The following JMJD1C variants were observed in gnomAD, a reference collection of about 807,000 sequenced individuals.
JMJD1C encodes jumonji domain containing 1C, also known as jumonji domain-containing protein 1C.
A neutral mutation model predicts 245.3 loss-of-function variants in JMJD1C; 31 were observed. The observed-to-expected ratio is 0.13, with a 90% CI of 0.09 to 0.17. The LOEUF (loss-of-function observed/expected upper bound fraction) is 0.17, where lower values mean the gene tolerates loss of function less well. JMJD1C is among the 10% of genes least tolerant of loss of function. The pLI, the probability that JMJD1C is intolerant of heterozygous loss-of-function variation, is 1.00. For missense variants in JMJD1C, 2,691 were observed against 3,000.2 expected (o/e 0.90, Z 2.41); for synonymous variants, 1,057 against 1,017.4 (o/e 1.04, Z -0.74).
At chr10:63,280,566 T>G (rs1323545341) in intron 2 of JMJD1C, among the ~76,000 whole-genome samples, 1 of 152,004 alleles carries the variant, frequency 6.6e-6, no homozygotes, top group Admixed American at 6.6e-5. Context: ...AAAAAGATTC[T>G]GAATGAAAAT....
chr10:63,310,700 T>C (rs759188919), intron 2 of JMJD1C, among the ~76,000 whole-genome samples: 1 of 152,182 alleles, frequency 6.6e-6, no homozygotes, highest in Non-Finnish European at 1.5e-5. Flanking sequence ...AAATGATATA[T>C]GTGATATAGA....
intron 3 of JMJD1C, among the ~76,000 whole-genome samples, chr10:63,233,181 T>C (rs957266052): frequency 5.3e-4 from 80 of 152,306 alleles, no homozygotes; most frequent in African/African-American, 1.9e-3. Context: ...GCTGAAAAGG[T>C]TGCCACAATT....
chr10:63,420,534 G>A (rs1181286873), intron 1 of JMJD1C, among the ~76,000 whole-genome samples: 8 of 150,778 alleles, frequency 5.3e-5, no homozygotes, highest in Admixed American at 4.6e-4. Flanking sequence ...GCAAAACCCC[G>A]TCTTCACATA....
At chr10:63,276,293 C>T (rs1277182673) in intron 2 of JMJD1C, among the ~76,000 whole-genome samples, 1 of 151,960 alleles carries the variant, frequency 6.6e-6, no homozygotes, top group African/African-American at 2.4e-5. Flanking sequence ...GGTGAAACCC[C>T]GTCTCTACTA....
chr10:63,198,419 TAGATA>T (rs1845683308), intron 12 of JMJD1C, 89 bp downstream of exon 12: 2 of 751,736 alleles, frequency 2.7e-6, no homozygotes, highest in Non-Finnish European at 4.4e-6. Context: ...AAATCAAGGT[TAGATA>T]AGATTAGGGA....
At chr10:63,385,942 T>C (rs554266351) in intron 1 of JMJD1C, among the ~76,000 whole-genome samples, 5 of 152,222 alleles carry the variant, frequency 3.3e-5, no homozygotes, top group African/African-American at 1.2e-4. Context: ...TCAGAGCATA[T>C]ACGGTGAAAA....
At chr10:63,452,090 T>C (rs34037284) in intron 1 of JMJD1C, among the ~76,000 whole-genome samples, 30,674 of 152,110 alleles carry the variant, frequency 0.2, 4,054 homozygotes, top group Non-Finnish European at 0.29. Flanking sequence ...GATGGATACA[T>C]TGAACTACAT....
intron 10 of JMJD1C, chr10:63,202,208 C>T (rs759914268): frequency 4.2e-6 from 3 of 718,026 alleles, no homozygotes; most frequent in Admixed American, 1.3e-4. Flanking sequence ...GGGGTGAGAT[C>T]GTGCCACTGG....
At chr10:63,265,588 G>A (rs1855467012) in intron 2 of JMJD1C, among the ~76,000 whole-genome samples, 2 of 152,042 alleles carry the variant, frequency 1.3e-5, no homozygotes, top group African/African-American at 4.8e-5. Flanking sequence ...AGTAGATGAA[G>A]ATTAAATAAA....
intron 1 of JMJD1C, among the ~76,000 whole-genome samples, chr10:63,443,491 T>C (rs1467392599): frequency 6.6e-6 from 1 of 152,060 alleles, no homozygotes; most frequent in Admixed American, 6.6e-5. Context: ...TTGTAATGGT[T>C]GTAGAAACAG....
At chr10:63,202,433 TA>T in intron 10 of JMJD1C, 1 of 985,468 alleles carries the variant, frequency 1.0e-6, no homozygotes. Flanking sequence ...TTGTGTTTTC[TA>T]ATCATGCCCA....
intron 3 of JMJD1C, among the ~76,000 whole-genome samples, chr10:63,260,608 G>T (rs1307567421): frequency 1.3e-5 from 2 of 150,386 alleles, no homozygotes; most frequent in Admixed American, 6.6e-5. Context: ...ATTTTTTTTT[G>T]AGATGTAGTC....
At chr10:63,495,754 C>CG (rs538711822) in intron 1 of JMJD1C, among the ~76,000 whole-genome samples, 1 of 135,746 alleles carries the variant, frequency 7.4e-6, no homozygotes, top group African/African-American at 2.9e-5. Context: ...ACTCCTAACT[C>CG]AAAAAAAAAA....
At chr10:63,288,215 T>G (rs968301205) in intron 2 of JMJD1C, among the ~76,000 whole-genome samples, 2 of 152,218 alleles carry the variant, frequency 1.3e-5, no homozygotes, top group Admixed American at 6.5e-5. Context: ...AAACCTGTAT[T>G]GTTCAAGAGT....
intron 19 of JMJD1C, 152 bp downstream of exon 19, chr10:63,186,063 G>A (rs927800267): frequency 1.6e-6 from 1 of 640,112 alleles, no homozygotes; most frequent in Non-Finnish European, 2.7e-6. Flanking sequence ...ATAGGGATTA[G>A]GACCCAGTAT....
At chr10:63,173,599 A>G (rs1842598992) in intron 24 of JMJD1C, among the ~76,000 whole-genome samples, 1 of 152,104 alleles carries the variant, frequency 6.6e-6, no homozygotes, top group Non-Finnish European at 1.5e-5. Context: ...GTGTCCATCT[A>G]CAGTACTAGC....
chr10:63,511,593 C>A (rs2133285002), intron 1 of JMJD1C, among the ~76,000 whole-genome samples: 1 of 152,160 alleles, frequency 6.6e-6, no homozygotes, highest in East Asian at 1.9e-4. Context: ...GCCTGTAATC[C>A]CAGTGACTCC....
In JMJD1C at chr10:63,489,204, T is replaced by C. The variant is rs1472902591; in HGVS notation, n.113+32534A>G. Among the ~76,000 whole-genome samples, 8 of 152,194 alleles carry C rather than the reference T, an allele frequency of 5.3e-5. 1 individual carries two copies. The South Asian group carries it at 1.5e-3, about 28-fold the overall frequency. On this transcript the variant is annotated intron_variant and non_coding_transcript_variant, in intron 1 of 3. Transcript: ENST00000633035. ...CACCTGAGGTCAGGAGTTTGAGACC[T>C]GCCTGGCCAAAATGGCGATACCCTG...
Position 63,369,737 on chromosome 10 carries a change from G to C in JMJD1C, c.333+10581C>G, listed in dbSNP as rs150988219. Among the ~76,000 whole-genome samples, 4 of 152,278 alleles carry C rather than the reference G, an allele frequency of 2.6e-5. No homozygotes were observed. In the East Asian group the frequency reaches 7.7e-4, roughly 29 times the overall value. On this transcript the variant is annotated intron_variant, in intron 2 of 25. Transcript: ENST00000399262. ...AGTGTAGGCCAAAGGCTAGGGCATA[G>C]CCTATACACCAAAGAAGAAAAAGAT... is the stretch of plus-strand genomic sequence containing the variant.
Sources: gnomAD v4.1 joint callset for allele counts (sites outside exome capture counted in the v4.1 genomes callset) on GRCh38, gnomAD v4.1.1 for gene constraint, MANE v1.5 for transcripts, NCBI Gene and HGNC (gene_info 2026-07-23, HGNC 2026-07-21) for gene names.